The following ATP9B variants were observed in gnomAD, a reference collection of about 807,000 sequenced individuals.
ATP9B encodes the protein ATPase phospholipid transporting 9B, also known as probable phospholipid-transporting ATPase IIB.
Under a neutral mutation model 146.1 loss-of-function variants are expected in ATP9B, and 110 were observed. That is an observed-to-expected ratio of 0.75 (90% CI 0.65 to 0.88). ATP9B has a LOEUF of 0.88. ATP9B is among the 40% of genes least tolerant of loss of function. The probability of loss-of-function intolerance (pLI) is 0.00; values close to 1 mark genes in which losing one functional copy is unlikely to be tolerated. For missense variants in ATP9B, 1,499 were observed against 1,496.4 expected (o/e 1.00, Z -0.03); for synonymous variants, 604 against 569.7 (o/e 1.06, Z -0.86).
At chr18:79,352,069 T>C (rs1021163221) in intron 25 of ATP9B, among the ~76,000 whole-genome samples, 8 of 152,164 alleles carry the variant, frequency 5.3e-5, no homozygotes, top group South Asian at 2.1e-4. Flanking sequence ...CCACAACTCA[T>C]GTTCCACGAA....
Position 79,193,172 on chromosome 18 carries a change from C to T in ATP9B, c.874-11C>T, listed in dbSNP as rs1198355718. ...TAACATTCTAATCGATTCAAATGTT[C>T]TGTATTCCAGGACCTTTTTTCTATC... On this transcript the variant is annotated splice_polypyrimidine_tract_variant and intron_variant, in intron 8 of 29. Coordinates refer to ENST00000426216, the MANE Select transcript of ATP9B (RefSeq NM_198531.5). 1.1e-5 allele frequency: 18 copies of T among 1,568,944 alleles called. No homozygotes were observed. In the Admixed American group the frequency reaches 2.4e-4, roughly 21 times the overall value.
intron 4 of ATP9B, 27 bp from the exon 5 acceptor site, chr18:79,126,240 C>T: frequency 6.5e-7 from 1 of 1,547,516 alleles, no homozygotes; most frequent in Non-Finnish European, 8.8e-7. Flanking sequence ...GTTTAGTTTT[C>T]TAAAAATACC....
At chr18:79,346,503 C>T (rs532696854) in intron 23 of ATP9B, among the ~76,000 whole-genome samples, 21 of 123,226 alleles carry the variant, frequency 1.7e-4, no homozygotes, top group African/African-American at 5.7e-4. Flanking sequence ...ACACACTCAG[C>T]GCACCTCAGC....
At chr18:79,332,272 A>G (rs1181461068) in intron 17 of ATP9B, among the ~76,000 whole-genome samples, 2 of 152,072 alleles carry the variant, frequency 1.3e-5, no homozygotes, top group African/African-American at 4.8e-5. Context: ...TACTAAAAAT[A>G]CAAAAAATTA....
intron 2 of ATP9B, among the ~76,000 whole-genome samples, chr18:79,107,873 T>C (rs1015256587): frequency 3.3e-5 from 5 of 152,210 alleles, no homozygotes; most frequent in Admixed American, 3.3e-4. Flanking sequence ...GTTTCAACTC[T>C]GCCATTGCCT....
At chr18:79,372,634 C>A (rs1388147329) in intron 26 of ATP9B, 191 bp from the exon 27 acceptor site, 1 of 675,198 alleles carries the variant, frequency 1.5e-6, no homozygotes, top group Admixed American at 2.0e-5. Flanking sequence ...CGTGTGGGAC[C>A]CAGGCAGCTT....
intron 10 of ATP9B, among the ~76,000 whole-genome samples, chr18:79,207,705 G>A (rs529893414): frequency 1.5e-4 from 23 of 152,164 alleles, no homozygotes; most frequent in Admixed American, 6.5e-4. Context: ...TTGGAGCTGT[G>A]TCTTCTCGGT....
intron 12 of ATP9B, 86 bp downstream of exon 12, chr18:79,253,627 T>C: frequency 7.4e-7 from 1 of 1,360,322 alleles, no homozygotes; most frequent in South Asian, 1.5e-5. Flanking sequence ...ATGAAAGAAA[T>C]TACCCAAACA....
chr18:79,072,701 G>GCC lies in ATP9B; in HGVS notation c.119+3178_119+3179dup, dbSNP rs376667450. 1.3e-3 allele frequency among the ~76,000 whole-genome samples: 173 copies of GCC among 138,222 alleles called. 2 individuals carry two copies. The highest frequency in any genetic ancestry group is 4.3e-3 in the African/African-American group (166 of 38,556). 90.7% of individuals were successfully genotyped at this position (138,222 alleles called of 152,430 possible). A position where few individuals can be genotyped will look rare whatever the true frequency, so the allele number is the denominator to read the frequency against. On this transcript the variant is annotated intron_variant, in intron 1 of 29. Transcript: ENST00000426216. ...GACAAGGCGGCTGCCGGGTGGGGGC[G>GCC]CCCCCCCACCTCCCAGACCAGGCGG...
At chr18:79,128,591 G>A (rs1390916624) in intron 5 of ATP9B, among the ~76,000 whole-genome samples, 2 of 152,070 alleles carry the variant, frequency 1.3e-5, no homozygotes, top group African/African-American at 4.8e-5. Context: ...CAAATGGCCC[G>A]GTAAATTGTG....
At chr18:79,371,869 G>A (rs2097072883) in intron 26 of ATP9B, among the ~76,000 whole-genome samples, 1 of 152,244 alleles carries the variant, frequency 6.6e-6, no homozygotes, top group Non-Finnish European at 1.5e-5. Context: ...AGGACTTTGG[G>A]CTCTGATCAG....
At position 79,329,191 on chromosome 18, in the gene ATP9B, G is replaced by A. The variant is rs2096777006; in HGVS notation, c.1824G>A (p.Arg608=). ...GTGTGGGCCTCACGCTGGTCAGCAGGGACCTCACCTCCATGCAGCTGAAGA... is the reference window on the plus strand; with the variant it reads ...GTGTGGGCCTCACGCTGGTCAGCAGAGACCTCACCTCCATGCAGCTGAAGA... ...TESVGLTLVS[R]DLTSMQLKTP... Residue 608 remains arginine, a synonymous_variant, in exon 16 of 30, where the codon AGG becomes AGA. Coordinates refer to ENST00000426216, the MANE Select transcript of ATP9B (RefSeq NM_198531.5). 1 of 1,611,860 alleles carries A rather than the reference G, an allele frequency of 6.2e-7. No homozygotes were observed. The highest frequency in any genetic ancestry group is 8.5e-7 in the Non-Finnish European group (1 of 1,179,698).
rs373019900 is a variant in ATP9B at position 79,257,721 on chromosome 18, G to A, written c.1268+4180G>A. Among the ~76,000 whole-genome samples, 400 of 152,336 alleles carry A rather than the reference G, an allele frequency of 2.6e-3. 2 individuals carry two copies. Among genetic ancestry groups the A allele is most frequent in the South Asian group, 0.013 (64 of 4,826 alleles). Reference sequence around the variant, plus strand: ...GCCTCCCCAGCCTCCAGCACAGGGCGCCTGCTCCCATCTCTGTCCAGCAAA... The same window carrying A: ...GCCTCCCCAGCCTCCAGCACAGGGCACCTGCTCCCATCTCTGTCCAGCAAA... On this transcript the variant is annotated intron_variant, in intron 12 of 29. Transcript: ENST00000426216.
intron 2 of ATP9B, 148 bp from the exon 3 acceptor site, chr18:79,110,207 G>T: frequency 1.4e-6 from 1 of 725,928 alleles, no homozygotes; most frequent in Non-Finnish European, 2.0e-6. Flanking sequence ...CCTATTATAA[G>T]AAAAACCCCA....
rs890792873 is a variant in ATP9B, at chr18:79,348,282, A to G, written c.2903+86A>G. 1.4e-5 allele frequency: 17 copies of G among 1,228,228 alleles called. No individual in the cohort carries two copies. The African/African-American group carries it at 1.8e-4, about 13-fold the overall frequency. 76.1% of individuals were successfully genotyped at this position (1,228,228 alleles called of 1,614,324 possible). A position where few individuals can be genotyped will look rare whatever the true frequency, so the allele number is the denominator to read the frequency against. On this transcript the variant is annotated intron_variant, in intron 25 of 29. Transcript: ENST00000426216. Reference sequence around the variant, plus strand: ...AAAAAAAAAAAAACAAAAAACGTATATAGAAGATTCTTGATACAGTCATCA... The same window carrying G: ...AAAAAAAAAAAAACAAAAAACGTATGTAGAAGATTCTTGATACAGTCATCA...
At chr18:79,178,384 C>T (rs760409471) in intron 8 of ATP9B, among the ~76,000 whole-genome samples, 5 of 152,068 alleles carry the variant, frequency 3.3e-5, no homozygotes, top group Non-Finnish European at 4.4e-5. Context: ...CTGTGATGGC[C>T]GGTTGTGTTG....
At chr18:79,080,157 GT>G (rs1421687077) in intron 1 of ATP9B, among the ~76,000 whole-genome samples, 1 of 152,106 alleles carries the variant, frequency 6.6e-6, no homozygotes, top group East Asian at 1.9e-4. Flanking sequence ...ATTTAAAGTA[GT>G]TTTTTTCTAA....
chr18:79,209,844 T>A, intron 10 of ATP9B: 1 of 194,896 alleles, frequency 5.1e-6, no homozygotes, highest in Non-Finnish European at 9.4e-6. Context: ...ACATTCTATA[T>A]ACCACACTGC....
chr18:79,297,962 G>A (rs1004649040), intron 13 of ATP9B, among the ~76,000 whole-genome samples: 5 of 146,676 alleles, frequency 3.4e-5, no homozygotes, highest in African/African-American at 5.0e-5. Context: ...AGGATTAGAG[G>A]GGAACATCCT....
Sources: allele counts gnomAD v4.1 joint callset (sites outside exome capture counted in the v4.1 genomes callset), GRCh38; gene constraint gnomAD v4.1.1; transcripts MANE v1.5; gene names NCBI Gene and HGNC (gene_info 2026-07-23, HGNC 2026-07-21).